RAB22A: variants seen among roughly 807,000 people sequenced by gnomAD.
RAB22A encodes RAB22A, member RAS oncogene family, also known as ras-related protein Rab-22A.
A neutral mutation model predicts 30.2 loss-of-function variants in RAB22A; 13 were observed. The ratio of observed to expected loss-of-function variants is 0.43; its 90% CI spans 0.28 to 0.68. The LOEUF (loss-of-function observed/expected upper bound fraction) is 0.68, where lower values mean the gene tolerates loss of function less well. Among genes scored for constraint, RAB22A ranks in the 30% least tolerant of loss-of-function variants. RAB22A has a pLI of 0.18. For synonymous variants in RAB22A, 89 were observed against 87.2 expected, an observed-to-expected ratio of 1.02 and a Z score of -0.11; for missense variants, 177 against 246.8, an observed-to-expected ratio of 0.72 and a Z score of 1.89.
intron 2 of RAB22A, among the ~76,000 whole-genome samples, chr20:58,343,146 G>C (rs1479289657): frequency 6.6e-6 from 1 of 152,168 alleles, no homozygotes; most frequent in Non-Finnish European, 1.5e-5. Flanking sequence ...ATGAAATGCA[G>C]GTGGTCGTCA....
chr20:58,343,744 A>C lies in RAB22A; in HGVS notation c.143A>C (p.Gln48Pro), dbSNP rs1313921464. The C allele has an allele frequency of 1.2e-6, 2 of 1,611,012 alleles. No individual in the cohort carries two copies. The highest frequency in any genetic ancestry group is 8.5e-7 in the Non-Finnish European group (1 of 1,177,150). ...IGASFMTKTV[Q>P]YQNELHKFLI... ...GCATCTTTTATGACCAAGACTGTCC[A>C]GTACCAAAATGAGCTACATAAATTC... Residue 48 changes from glutamine (Q) to proline (P), a missense_variant, in exon 3 of 7, where the codon CAG (glutamine) becomes CCG (proline). Physicochemically the swap from Gln to Pro is moderately conservative, Grantham distance 76. Coordinates refer to ENST00000244040, the MANE Select transcript of RAB22A (RefSeq NM_020673.3).
chr20:58,328,458 G>A (rs1405282732), intron 2 of RAB22A, among the ~76,000 whole-genome samples: 1 of 152,130 alleles, frequency 6.6e-6, no homozygotes. Flanking sequence ...TGAATTACAG[G>A]TGTGAACCAG....
chr20:58,310,034 C>T (rs1485288523), intron 1 of RAB22A, 22 bp downstream of exon 1: 1 of 1,266,574 alleles, frequency 7.9e-7, no homozygotes, highest in Non-Finnish European at 1.0e-6. Flanking sequence ...CGGGTCCGGC[C>T]GGGAGGGCCA....
At chr20:58,332,546 C>G (rs1393383213) in intron 2 of RAB22A, among the ~76,000 whole-genome samples, 2 of 152,066 alleles carry the variant, frequency 1.3e-5, no homozygotes, top group South Asian at 2.1e-4. Flanking sequence ...CATATAAAGT[C>G]AGATAAGTAG....
intron 6 of RAB22A, among the ~76,000 whole-genome samples, chr20:58,358,858 A>G (rs528731449): frequency 6.6e-6 from 1 of 151,188 alleles, no homozygotes; most frequent in Admixed American, 6.6e-5. Flanking sequence ...TCATGCCACT[A>G]TACTCCAGCC....
intron 2 of RAB22A, among the ~76,000 whole-genome samples, chr20:58,322,092 C>T (rs182620497): frequency 7.2e-4 from 110 of 152,322 alleles, no homozygotes; most frequent in African/African-American, 2.5e-3. Context: ...GCCACCTCAC[C>T]GGGCGTCATT....
chr20:58,362,401 T>C lies in RAB22A; in HGVS notation c.*2698T>C, dbSNP rs573789284. 9 of 152,382 alleles carry C rather than the reference T, an allele frequency of 5.9e-5. No individual in the cohort carries two copies. The highest frequency in any genetic ancestry group is 1.9e-4 in the African/African-American group (8 of 41,596). 9.4% of individuals were successfully genotyped at this position (152,382 alleles called of 1,614,324 possible). Reference sequence around the variant, plus strand: ...ATAATTTCTTATGGAGAAGAGGCTATATTTCAAAGGAATTGAGACATACTC... The same window carrying C: ...ATAATTTCTTATGGAGAAGAGGCTACATTTCAAAGGAATTGAGACATACTC... On this transcript the variant is annotated 3_prime_UTR_variant, in exon 7 of 7. Coordinates refer to ENST00000244040, the MANE Select transcript of RAB22A (RefSeq NM_020673.3).
At chr20:58,335,568 T>C (rs1301895918) in intron 2 of RAB22A, among the ~76,000 whole-genome samples, 1 of 152,166 alleles carries the variant, frequency 6.6e-6, no homozygotes, top group East Asian at 1.9e-4. Context: ...ATGGGGAAAC[T>C]GTATATGCAT....
intron 2 of RAB22A, among the ~76,000 whole-genome samples, chr20:58,330,896 G>C (rs949643905): frequency 1.3e-5 from 2 of 152,184 alleles, no homozygotes; most frequent in Non-Finnish European, 1.5e-5. Flanking sequence ...AGTTGCATGT[G>C]CAATTATAGG....
intron 2 of RAB22A, among the ~76,000 whole-genome samples, chr20:58,330,414 C>A (rs1033959336): frequency 6.6e-6 from 1 of 151,914 alleles, no homozygotes; most frequent in South Asian, 2.1e-4. Context: ...CTCATTCCAG[C>A]GTCTGGATCA....
Position 58,311,093 on chromosome 20 carries a change from T to A in RAB22A, c.87T>A (p.Ser29Arg). Reference sequence around the variant, plus strand: ...TTGTGTGGCGGTTTGTGGAAGACAGTTTTGATCCAAACATCAACCCAACAA... The same window carrying A: ...TTGTGTGGCGGTTTGTGGAAGACAGATTTGATCCAAACATCAACCCAACAA... Reference protein sequence around the residue: ...SSIVWRFVEDSFDPNINPTIG... With the variant: ...SSIVWRFVEDRFDPNINPTIG... Residue 29 changes from serine (S) to arginine (R), a missense_variant, in exon 2 of 7, where the codon AGT becomes AGA. Ser to Arg is a moderately radical substitution (Grantham distance 110, BLOSUM62 -1). Coordinates refer to ENST00000244040, the MANE Select transcript of RAB22A (RefSeq NM_020673.3). 3 of 1,603,912 alleles carry A rather than the reference T, an allele frequency of 1.9e-6. No homozygotes were observed. The African/African-American group carries it at 4.0e-5, about 21-fold the overall frequency.
At chr20:58,325,641 G>T (rs536959952) in intron 2 of RAB22A, among the ~76,000 whole-genome samples, 112 of 152,248 alleles carry the variant, frequency 7.4e-4, no homozygotes, top group African/African-American at 2.6e-3. Flanking sequence ...TCCAAACAGG[G>T]ATATCTTCTA....
At chr20:58,336,968 T>C (rs1417691963) in intron 2 of RAB22A, among the ~76,000 whole-genome samples, 1 of 152,100 alleles carries the variant, frequency 6.6e-6, no homozygotes, top group African/African-American at 2.4e-5. Flanking sequence ...TTGCCGTTGC[T>C]CTTCATGGAA....
At chr20:58,335,116 TAAATG>T (rs1457482863) in intron 2 of RAB22A, among the ~76,000 whole-genome samples, 1 of 152,254 alleles carries the variant, frequency 6.6e-6, no homozygotes, top group African/African-American at 2.4e-5. Context: ...AAACCATTGT[TAAATG>T]AAAGAAGCTA....
chr20:58,317,805 C>T (rs1986374545), intron 2 of RAB22A, among the ~76,000 whole-genome samples: 2 of 152,146 alleles, frequency 1.3e-5, no homozygotes, highest in Non-Finnish European at 2.9e-5. Flanking sequence ...CTTGGCCTCC[C>T]AAAGTGCTGG....
chr20:58,316,763 C>T (rs978666775), intron 2 of RAB22A, among the ~76,000 whole-genome samples: 13 of 152,220 alleles, frequency 8.5e-5, no homozygotes, highest in African/African-American at 3.1e-4. Context: ...CCATGTATGT[C>T]ACTGAGCTCG....
chr20:58,328,955 A>G (rs970037901), intron 2 of RAB22A, among the ~76,000 whole-genome samples: 4 of 151,998 alleles, frequency 2.6e-5, no homozygotes, highest in African/African-American at 7.3e-5. Context: ...ACATTTACCG[A>G]TGGTCTAAAG....
At chr20:58,330,566 A>T (rs919767508) in intron 2 of RAB22A, among the ~76,000 whole-genome samples, 5 of 152,114 alleles carry the variant, frequency 3.3e-5, no homozygotes, top group African/African-American at 1.2e-4. Context: ...TCTTCCACTG[A>T]AGAGTGCTGT....
chr20:58,312,490 T>C (rs1472653184), intron 2 of RAB22A, among the ~76,000 whole-genome samples: 6 of 113,790 alleles, frequency 5.3e-5, no homozygotes, highest in Admixed American at 2.6e-4. Flanking sequence ...TTTTTTTTTT[T>C]TTTTTTTTTT....
Sources: gnomAD v4.1 joint callset for allele counts (sites outside exome capture counted in the v4.1 genomes callset) on GRCh38, gnomAD v4.1.1 for gene constraint, MANE v1.5 for transcripts, NCBI Gene and HGNC (gene_info 2026-07-23, HGNC 2026-07-21) for gene names.